The following CUEDC1 variants were observed in gnomAD, a reference collection of about 807,000 sequenced individuals.
The protein encoded by CUEDC1 is CUE domain containing 1.
In CUEDC1, 30 loss-of-function variants were observed where a neutral mutation model predicts 43.7. The ratio of observed to expected loss-of-function variants is 0.69; its 90% CI spans 0.51 to 0.93. CUEDC1 has a LOEUF of 0.93. CUEDC1 is among the 40% of genes least tolerant of loss of function. The probability of loss-of-function intolerance (pLI) is 0.00; values close to 1 mark genes in which losing one functional copy is unlikely to be tolerated. For missense variants in CUEDC1, 486 were observed against 549.0 expected, an observed-to-expected ratio of 0.89 and a Z score of 1.15; for synonymous variants, 223 against 223.6, an observed-to-expected ratio of 1.00 and a Z score of 0.02.
At chr17:57,888,936 G>A (rs1445020394) in intron 1 of CUEDC1, among the ~76,000 whole-genome samples, 2 of 152,232 alleles carry the variant, frequency 1.3e-5, no homozygotes, top group African/African-American at 2.4e-5. Flanking sequence ...CCCAGGGGAG[G>A]AAGAAAGAAG....
In CUEDC1 at chr17:57,868,149, C is replaced by T. The variant is rs777359766; in HGVS notation, c.1034+1G>A. 99 of 1,612,706 alleles carry T rather than the reference C, an allele frequency of 6.1e-5. No homozygotes were observed. Among genetic ancestry groups the T allele is most frequent in the Non-Finnish European group, 7.3e-5 (86 of 1,178,800 alleles). On this transcript the variant is annotated splice_donor_variant, in intron 8 of 10. Transcript: ENST00000577830. LOFTEE classifies it high-confidence loss of function. ...CACCAGTGCCAGGCTGGAAAGGATACGACTGATGCTTCAACAAGTGTTTCC... is the reference window on the plus strand; with the variant it reads ...CACCAGTGCCAGGCTGGAAAGGATATGACTGATGCTTCAACAAGTGTTTCC...
chr17:57,918,639 C>T (rs929689115), intron 1 of CUEDC1, among the ~76,000 whole-genome samples: 2 of 152,088 alleles, frequency 1.3e-5, no homozygotes, highest in East Asian at 3.9e-4. Flanking sequence ...AGAGTTTTTC[C>T]GACACAAAGT....
chr17:57,931,916 G>A (rs1020014048), intron 1 of CUEDC1, among the ~76,000 whole-genome samples: 1 of 152,002 alleles, frequency 6.6e-6, no homozygotes, highest in Non-Finnish European at 1.5e-5. Flanking sequence ...TTCCCTACAC[G>A]ATGCCCCCAC....
intron 1 of CUEDC1, among the ~76,000 whole-genome samples, chr17:57,919,186 T>C (rs2074675547): frequency 6.6e-6 from 1 of 151,674 alleles, no homozygotes; most frequent in South Asian, 2.1e-4. Flanking sequence ...CTTAATTAAT[T>C]TTTCTTTTGT....
chr17:57,880,835 G>A (rs1282200710), intron 2 of CUEDC1, among the ~76,000 whole-genome samples: 1 of 141,832 alleles, frequency 7.1e-6, no homozygotes, highest in Non-Finnish European at 1.5e-5. Context: ...TTGAACTCCT[G>A]ATCCACCATA....
chr17:57,924,803 G>A (rs2074731215), intron 1 of CUEDC1, among the ~76,000 whole-genome samples: 1 of 152,216 alleles, frequency 6.6e-6, no homozygotes, highest in Non-Finnish European at 1.5e-5. Flanking sequence ...TAGCAGTTTG[G>A]CAAGAAGGGT....
At chr17:57,914,312 G>T (rs1198263062) in intron 1 of CUEDC1, among the ~76,000 whole-genome samples, 1 of 152,222 alleles carries the variant, frequency 6.6e-6, no homozygotes, top group Non-Finnish European at 1.5e-5. Flanking sequence ...CTGAGACACA[G>T]GGGGTAAATA....
At chr17:57,890,551 G>A (rs1390636952) in intron 1 of CUEDC1, among the ~76,000 whole-genome samples, 1 of 152,260 alleles carries the variant, frequency 6.6e-6, no homozygotes, top group African/African-American at 2.4e-5. Flanking sequence ...CCTGGAGACT[G>A]GGAAGCAGAA....
intron 1 of CUEDC1, among the ~76,000 whole-genome samples, chr17:57,913,265 T>C (rs1488882677): frequency 6.6e-6 from 1 of 150,968 alleles, no homozygotes; most frequent in African/African-American, 2.4e-5. Flanking sequence ...GAGGCGGAGG[T>C]TGCAGTGAGC....
intron 1 of CUEDC1, among the ~76,000 whole-genome samples, chr17:57,902,596 G>A (rs1021272171): frequency 1.3e-5 from 2 of 152,242 alleles, no homozygotes; most frequent in Non-Finnish European, 2.9e-5. Context: ...AAACATCTGT[G>A]AATTGTAGCC....
intron 1 of CUEDC1, among the ~76,000 whole-genome samples, chr17:57,953,285 G>C (rs140147408): frequency 7.0e-4 from 107 of 152,254 alleles, no homozygotes; most frequent in Middle Eastern, 3.4e-3. Flanking sequence ...CCAGTGCCCA[G>C]GGCCTTCCCA....
chr17:57,921,578 C>G (rs2074698639), intron 1 of CUEDC1, among the ~76,000 whole-genome samples: 1 of 152,180 alleles, frequency 6.6e-6, no homozygotes, highest in South Asian at 2.1e-4. Flanking sequence ...AATGTCTGGC[C>G]CATTTGCTTT....
intron 1 of CUEDC1, among the ~76,000 whole-genome samples, chr17:57,914,333 G>C (rs911891896): frequency 6.6e-6 from 1 of 152,184 alleles, no homozygotes; most frequent in African/African-American, 2.4e-5. Flanking sequence ...AGTCCACAGG[G>C]TATCTCTGCT....
intron 1 of CUEDC1, among the ~76,000 whole-genome samples, chr17:57,944,065 T>C (rs1210674743): frequency 6.6e-6 from 1 of 152,112 alleles, no homozygotes; most frequent in Non-Finnish European, 1.5e-5. Flanking sequence ...CTCGGTCTCC[T>C]CCTGCATAAA....
chr17:57,864,810 T>G (rs1014637901), intron 10 of CUEDC1, among the ~76,000 whole-genome samples: 2 of 152,038 alleles, frequency 1.3e-5, no homozygotes, highest in Non-Finnish European at 2.9e-5. Flanking sequence ...TCCTAGCACT[T>G]TGGGAGGTCC....
intron 2 of CUEDC1, among the ~76,000 whole-genome samples, chr17:57,880,911 G>A (rs998070384): frequency 6.6e-6 from 1 of 152,056 alleles, no homozygotes; most frequent in Non-Finnish European, 1.5e-5. Context: ...TTCGCCTCCC[G>A]CTCACTCCCC....
At chr17:57,900,360 G>A (rs2074458680) in intron 1 of CUEDC1, among the ~76,000 whole-genome samples, 1 of 152,186 alleles carries the variant, frequency 6.6e-6, no homozygotes, top group South Asian at 2.1e-4. Flanking sequence ...ACCAGGATGA[G>A]CCCTCTGCAG....
chr17:57,927,396 G>GAA (rs577485162), intron 1 of CUEDC1, among the ~76,000 whole-genome samples: 193 of 118,610 alleles, frequency 1.6e-3, no homozygotes, highest in African/African-American at 3.9e-3. Flanking sequence ...TAGGGAGAAA[G>GAA]AAAAAAAAAA....
At chr17:57,877,828 T>G (rs1279899427) in intron 3 of CUEDC1, among the ~76,000 whole-genome samples, 1 of 137,770 alleles carries the variant, frequency 7.3e-6, no homozygotes, top group African/African-American at 2.8e-5. Context: ...GAGGTTGCAG[T>G]GAACAGAGAT....
Sources: allele counts gnomAD v4.1 joint callset (sites outside exome capture counted in the v4.1 genomes callset), GRCh38; gene constraint gnomAD v4.1.1; transcripts MANE v1.5; gene names NCBI Gene and HGNC (gene_info 2026-07-23, HGNC 2026-07-21).